Variants in NRG1 observed in about 807,000 individuals in gnomAD.
NRG1 encodes neuregulin 1, also known as pro-neuregulin-1, membrane-bound isoform.
A neutral mutation model predicts 63.8 loss-of-function variants in NRG1; 18 were observed. That is an observed-to-expected ratio of 0.28 (90% CI 0.19 to 0.42). The LOEUF (loss-of-function observed/expected upper bound fraction) is 0.42. Among genes scored for constraint, NRG1 ranks in the 10% least tolerant of loss-of-function variants. The probability of loss-of-function intolerance (pLI) is 1.00; values close to 1 mark genes in which losing one functional copy is unlikely to be tolerated. For synonymous variants in NRG1, 302 were observed against 301.3 expected, an observed-to-expected ratio of 1.00 and a Z score of -0.02; for missense variants, 762 against 814.7, an observed-to-expected ratio of 0.94 and a Z score of 0.79.
chr8:32,662,951 A>T (rs1383422277), intron 5 of NRG1, among the ~76,000 whole-genome samples: 2 of 152,154 alleles, frequency 1.3e-5, no homozygotes, highest in African/African-American at 4.8e-5. Context: ...GTAAATCAAT[A>T]CGGCTTTATG....
intron 1 of NRG1, among the ~76,000 whole-genome samples, chr8:31,754,759 G>A (rs1032263601): frequency 6.6e-6 from 1 of 151,896 alleles, no homozygotes; most frequent in Non-Finnish European, 1.5e-5. Context: ...TGATTATAGT[G>A]GACAAGTACA....
intron 1 of NRG1, among the ~76,000 whole-genome samples, chr8:32,519,960 CTTA>C (rs1225880136): frequency 1.3e-5 from 2 of 152,208 alleles, no homozygotes; most frequent in African/African-American, 2.4e-5. Context: ...TTCTGTTCCT[CTTA>C]TTTACTGCTT....
intron 1 of NRG1, among the ~76,000 whole-genome samples, chr8:31,914,759 T>C (rs1167131705): frequency 6.6e-6 from 1 of 152,114 alleles, no homozygotes; most frequent in East Asian, 1.9e-4. Flanking sequence ...TTTTCAGGAT[T>C]TTCTTGGTGT....
At chr8:32,542,426 T>A (rs866938454) in intron 1 of NRG1, among the ~76,000 whole-genome samples, 1 of 152,184 alleles carries the variant, frequency 6.6e-6, no homozygotes, top group Non-Finnish European at 1.5e-5. Context: ...CATATGAAAG[T>A]AATATTTATT....
intron 1 of NRG1, among the ~76,000 whole-genome samples, chr8:32,007,197 T>C (rs145901753): frequency 6.6e-6 from 1 of 152,186 alleles, no homozygotes; most frequent in East Asian, 1.9e-4. Context: ...CTTGTAAATC[T>C]AACCATTTGC....
chr8:32,019,157 G>A (rs1394934328), intron 1 of NRG1, among the ~76,000 whole-genome samples: 1 of 152,138 alleles, frequency 6.6e-6, no homozygotes, highest in African/African-American at 2.4e-5. Flanking sequence ...GGAGTGCAGT[G>A]GTGCAATCTT....
intron 1 of NRG1, among the ~76,000 whole-genome samples, chr8:31,681,845 T>C (rs1193409203): frequency 2.6e-5 from 4 of 151,862 alleles, no homozygotes; most frequent in South Asian, 4.2e-4. Context: ...GAGCAGAAAA[T>C]AGAGTTCCCA....
chr8:31,747,483 G>A (rs1176238466), intron 1 of NRG1, among the ~76,000 whole-genome samples: 2 of 152,118 alleles, frequency 1.3e-5, no homozygotes, highest in South Asian at 2.1e-4. Context: ...ATTCAATTCA[G>A]AGTGTCTCCT....
intron 1 of NRG1, among the ~76,000 whole-genome samples, chr8:31,763,863 T>A (rs1310754158): frequency 6.6e-6 from 1 of 151,974 alleles, no homozygotes; most frequent in Non-Finnish European, 1.5e-5. Flanking sequence ...GGCAGGAGAA[T>A]GGCGTGAACC....
chr8:32,590,997 G>T (rs533702286), intron 1 of NRG1, among the ~76,000 whole-genome samples: 2 of 152,266 alleles, frequency 1.3e-5, no homozygotes, highest in South Asian at 4.1e-4. Context: ...TTTGAGCTCT[G>T]CCCTGAGTGA....
chr8:32,681,564 A>G (rs2128917164), intron 5 of NRG1, among the ~76,000 whole-genome samples: 1 of 152,290 alleles, frequency 6.6e-6, no homozygotes, highest in Middle Eastern at 3.4e-3. Flanking sequence ...TACATGGAGA[A>G]TATATTGATA....
chr8:32,122,143 A>G (rs971461888), intron 1 of NRG1, among the ~76,000 whole-genome samples: 1 of 152,012 alleles, frequency 6.6e-6, no homozygotes, highest in Non-Finnish European at 1.5e-5. Flanking sequence ...CAGCATGTGG[A>G]AATAAATTTC....
intron 1 of NRG1, among the ~76,000 whole-genome samples, chr8:32,200,696 A>G (rs572951633): frequency 1.3e-5 from 2 of 152,302 alleles, no homozygotes; most frequent in South Asian, 4.1e-4. Context: ...GGCATTCCCA[A>G]TGTTAGTGTC....
intron 1 of NRG1, among the ~76,000 whole-genome samples, chr8:32,386,144 C>T (rs1042771350): frequency 1.3e-5 from 2 of 152,198 alleles, no homozygotes; most frequent in Non-Finnish European, 2.9e-5. Flanking sequence ...CTCTGTTGCT[C>T]AGGCTGGAAT....
At chr8:32,754,413 G>A (rs953077675) in exon 8 of NRG1, 33 of 1,613,684 alleles carry the variant, frequency 2.0e-5, no homozygotes, top group East Asian at 1.1e-4. Context: ...GACCATAACC[G>A]GCATCTGCAT....
rs764889910 is a variant in NRG1 at position 31,640,558 on chromosome 8, G to T, written c.37+1127G>T. The T allele has an allele frequency of 6.2e-7, 1 of 1,611,706 alleles. No individual in the cohort carries two copies. The highest frequency in any genetic ancestry group is 1.1e-5 in the South Asian group (1 of 90,980). On this transcript the variant is annotated intron_variant, in intron 1 of 10. Transcript: ENST00000519301. This position sits in a 1 kb window ranked among gnomAD's most constrained non-coding sequence, Gnocchi z 6.3. The stretch of plus-strand genomic sequence containing the variant: ...GCGCCTGGGGACCTGGGGCCACCCC[G>T]CCTTCCCCTCCTGCGGGAGGCTCAA...
chr8:32,202,556 G>C (rs1843602778), intron 1 of NRG1, among the ~76,000 whole-genome samples: 1 of 152,134 alleles, frequency 6.6e-6, no homozygotes, highest in South Asian at 2.1e-4. Flanking sequence ...AGTGTGTCCT[G>C]AATTCTTGTT....
At chr8:32,125,769 T>C (rs1160868417) in intron 1 of NRG1, among the ~76,000 whole-genome samples, 1 of 151,986 alleles carries the variant, frequency 6.6e-6, no homozygotes, top group East Asian at 1.9e-4. Flanking sequence ...ATCTCCTTTT[T>C]ACAACTATTT....
intron 1 of NRG1, among the ~76,000 whole-genome samples, chr8:32,381,111 A>G (rs1810287705): frequency 6.6e-6 from 1 of 152,106 alleles, no homozygotes; most frequent in Non-Finnish European, 1.5e-5. Flanking sequence ...TTACTATCCT[A>G]TCCTGCCCGG....
Sources: gnomAD v4.1 joint callset for allele counts (sites outside exome capture counted in the v4.1 genomes callset) on GRCh38, gnomAD v4.1.1 for gene constraint, Gnocchi (gnomAD v3.1) non-coding constraint, MANE v1.5 for transcripts, NCBI Gene and HGNC (gene_info 2026-07-23, HGNC 2026-07-21) for gene names.